The following DPF3 variants were observed in gnomAD, a reference collection of about 807,000 sequenced individuals.
The protein encoded by DPF3 is double PHD fingers 3, also known as zinc finger protein DPF3.
A neutral mutation model predicts 56.8 loss-of-function variants in DPF3; 18 were observed. The ratio of observed to expected loss-of-function variants is 0.32; its 90% confidence interval spans 0.22 to 0.47. The LOEUF (loss-of-function observed/expected upper bound fraction) is 0.47, where lower values mean the gene tolerates loss of function less well. Among genes scored for constraint, DPF3 ranks in the 20% least tolerant of loss-of-function variants. DPF3 has a pLI of 1.00. For missense variants in DPF3, 403 were observed against 488.8 expected (o/e 0.82, Z 1.65); for synonymous variants, 188 against 180.2 (o/e 1.04, Z -0.35).
chr14:72,853,577 T>C (rs892111069), intron 1 of DPF3, among the ~76,000 whole-genome samples: 5 of 149,250 alleles, frequency 3.4e-5, no homozygotes, highest in Non-Finnish European at 7.4e-5. Context: ...CAGATTCAAG[T>C]GATTCTCCTG....
intron 1 of DPF3, chr14:72,892,712 C>T: frequency 9.9e-7 from 1 of 1,006,974 alleles, no homozygotes; most frequent in African/African-American, 1.7e-5. Context: ...CGGCATGAAC[C>T]GCCCCCCACC....
At chr14:72,884,951 T>TATAC (rs1886465274) in intron 1 of DPF3, among the ~76,000 whole-genome samples, 3 of 85,172 alleles carry the variant, frequency 3.5e-5, no homozygotes, top group African/African-American at 1.1e-4. Context: ...TATATATATA[T>TATAC]ATATATATAT....
intron 1 of DPF3, among the ~76,000 whole-genome samples, chr14:72,807,517 C>A (rs992656837): frequency 6.6e-6 from 1 of 152,120 alleles, no homozygotes; most frequent in Non-Finnish European, 1.5e-5. Context: ...ACCTAAAAAA[C>A]AAACCACTAA....
At chr14:72,724,987 T>C (rs1889338135) in intron 4 of DPF3, among the ~76,000 whole-genome samples, 1 of 152,156 alleles carries the variant, frequency 6.6e-6, no homozygotes, top group African/African-American at 2.4e-5. Flanking sequence ...ATTACAGGCA[T>C]ACCATGCAGA....
intron 1 of DPF3, among the ~76,000 whole-genome samples, chr14:72,829,371 C>A (rs1014231494): frequency 6.6e-6 from 1 of 152,160 alleles, no homozygotes; most frequent in African/African-American, 2.4e-5. Flanking sequence ...TATTTGCCTT[C>A]TTTAATCCCT....
intron 7 of DPF3, among the ~76,000 whole-genome samples, chr14:72,679,840 G>A (rs1887079080): frequency 6.6e-6 from 1 of 152,242 alleles, no homozygotes; most frequent in African/African-American, 2.4e-5. Context: ...GGCAGCCCAG[G>A]CCGGCCAGGC....
chr14:72,857,144 G>C lies in DPF3; in HGVS notation c.32+36913C>G, dbSNP rs113653863. ...TTTGCTCAGAGTTTCTATTTGAAGA[G>C]CTTAGAATAACTATTTGCTAAGCTC... On this transcript the variant is annotated intron_variant, in intron 1 of 10. Coordinates refer to ENST00000556509, the MANE Select transcript of DPF3 (RefSeq NM_001280542.3). Among the ~76,000 whole-genome samples, 864 of 152,222 alleles carry C rather than the reference G, an allele frequency of 5.7e-3. 1 individual carries two copies. Among genetic ancestry groups the C allele is most frequent in the Non-Finnish European group, 9.4e-3 (638 of 68,018 alleles).
chr14:72,769,262 G>A (rs1055146240), intron 2 of DPF3, among the ~76,000 whole-genome samples: 1 of 152,150 alleles, frequency 6.6e-6, no homozygotes, highest in Non-Finnish European at 1.5e-5. Context: ...CAGGAGCCAG[G>A]ATTTCTTCAA....
intron 2 of DPF3, among the ~76,000 whole-genome samples, chr14:72,764,676 A>C (rs1275534922): frequency 6.6e-6 from 1 of 151,530 alleles, no homozygotes; most frequent in Non-Finnish European, 1.5e-5. Flanking sequence ...ATTTTTTAGT[A>C]GAGATGGGGT....
Position 72,709,152 on chromosome 14 carries a change from C to A in DPF3, c.604+5271G>T, listed in dbSNP as rs191835256. ...CTGGGTGTGGCAACACACTCCCCGA[C>A]TGGGTTTCTAGAAGGGAGGCAACAG... On this transcript the variant is annotated intron_variant, in intron 6 of 10. Coordinates refer to ENST00000556509, the MANE Select transcript of DPF3 (RefSeq NM_001280542.3). Among the ~76,000 whole-genome samples the A allele has an allele frequency of 5.3e-5, 8 of 152,364 alleles. No homozygotes were observed. The East Asian group carries it at 7.7e-4, about 15-fold the overall frequency.
intron 6 of DPF3, among the ~76,000 whole-genome samples, chr14:72,711,118 T>C (rs1888635542): frequency 6.6e-6 from 1 of 152,202 alleles, no homozygotes; most frequent in Admixed American, 6.5e-5. Context: ...CACATCAGAA[T>C]ATAGCTTATT....
At chr14:72,701,937 T>G (rs984864367) in intron 6 of DPF3, among the ~76,000 whole-genome samples, 1 of 152,304 alleles carries the variant, frequency 6.6e-6, no homozygotes, top group Non-Finnish European at 1.5e-5. Flanking sequence ...CCACCATGCC[T>G]GTCATCTGCC....
intron 4 of DPF3, among the ~76,000 whole-genome samples, chr14:72,727,117 C>T (rs1342109142): frequency 6.6e-6 from 1 of 152,024 alleles, no homozygotes; most frequent in Non-Finnish European, 1.5e-5. Context: ...CTCCTGGGCT[C>T]TTTTTTCCCT....
At chr14:72,635,288 C>T (rs1313123647) in intron 8 of DPF3, among the ~76,000 whole-genome samples, 2 of 152,142 alleles carry the variant, frequency 1.3e-5, no homozygotes, top group African/African-American at 2.4e-5. Flanking sequence ...TGGGAGTACC[C>T]GGTGTTTCTG....
chr14:72,763,219 C>T (rs1655897546), intron 2 of DPF3, among the ~76,000 whole-genome samples: 1 of 152,050 alleles, frequency 6.6e-6, no homozygotes, highest in South Asian at 2.1e-4. Flanking sequence ...AACCAAACTC[C>T]TAGCCAGTTT....
intron 6 of DPF3, among the ~76,000 whole-genome samples, chr14:72,703,149 G>A (rs917257622): frequency 6.6e-6 from 1 of 152,136 alleles, no homozygotes; most frequent in Non-Finnish European, 1.5e-5. Context: ...CCAGAGGCTG[G>A]CTACATCCAC....
At chr14:72,705,236 A>G (rs185381145) in intron 6 of DPF3, among the ~76,000 whole-genome samples, 28 of 152,228 alleles carry the variant, frequency 1.8e-4, no homozygotes, top group African/African-American at 6.7e-4. Flanking sequence ...TAACAGGAGC[A>G]CAAACCCTAC....
At chr14:72,738,418 C>T (rs1889988512) in intron 3 of DPF3, among the ~76,000 whole-genome samples, 1 of 152,126 alleles carries the variant, frequency 6.6e-6, no homozygotes, top group African/African-American at 2.4e-5. Flanking sequence ...CCCTCTCACC[C>T]CTAAGTAGAC....
At chr14:72,677,548 T>C (rs1490128773) in intron 7 of DPF3, among the ~76,000 whole-genome samples, 1 of 152,146 alleles carries the variant, frequency 6.6e-6, no homozygotes, top group Non-Finnish European at 1.5e-5. Flanking sequence ...CATCTCTCCA[T>C]ATTAAATAGG....
Sources: gnomAD v4.1 joint callset for allele counts (sites outside exome capture counted in the v4.1 genomes callset) on GRCh38, gnomAD v4.1.1 for gene constraint, MANE v1.5 for transcripts, NCBI Gene and HGNC (gene_info 2026-07-23, HGNC 2026-07-21) for gene names.